The following RORA variants were observed in gnomAD, a reference collection of about 807,000 sequenced individuals.
RORA encodes the protein RAR related orphan receptor A.
In RORA, 7 loss-of-function variants were observed where a neutral mutation model predicts 69.5. The ratio of observed to expected loss-of-function variants is 0.10; its 90% confidence interval spans 0.06 to 0.19. RORA has a LOEUF of 0.19. Ranked by LOEUF, RORA falls within the 10% of genes least tolerant of loss-of-function variation. The pLI is 1.00. For missense variants in RORA, 457 were observed against 663.0 expected (o/e 0.69, Z 3.41); for synonymous variants, 261 against 240.8 (o/e 1.08, Z -0.78).
chr15:60,664,056 G>A (rs2070345856), intron 2 of RORA, among the ~76,000 whole-genome samples: 1 of 152,132 alleles, frequency 6.6e-6, no homozygotes, highest in Non-Finnish European at 1.5e-5. Context: ...AGAATCTCAG[G>A]TGAAGCAATT....
rs1342333191 is a variant in RORA, at chr15:61,009,467, G to A, written c.166+219586C>T. 4.6e-5 allele frequency among the ~76,000 whole-genome samples: 7 copies of A among 152,256 alleles called. No homozygotes were observed. The East Asian group carries it at 5.8e-4, about 13-fold the overall frequency. On this transcript the variant is annotated intron_variant, in intron 1 of 10. Transcript: ENST00000335670. ...GAAAGATGTCCACCTTGATTCATCC[G>A]TACGATACAGGAAAGAAAATCTGGC...
At chr15:60,819,761 A>ACACACACACACACACACACACGCGCG (rs2072866004) in intron 1 of RORA, among the ~76,000 whole-genome samples, 1 of 138,034 alleles carries the variant, frequency 7.2e-6, no homozygotes, top group African/African-American at 2.6e-5. Context: ...ACACACACAC[A>ACACACACACACACACACACACGCGCG]CACACACACA....
intron 1 of RORA, among the ~76,000 whole-genome samples, chr15:60,753,560 C>G (rs1003607229): frequency 3.3e-5 from 5 of 152,194 alleles, no homozygotes; most frequent in African/African-American, 9.7e-5. Context: ...ACCATGCATG[C>G]GTAGGTATCT....
intron 1 of RORA, among the ~76,000 whole-genome samples, chr15:60,745,417 CTTTT>C (rs1378216065): frequency 6.6e-6 from 1 of 152,238 alleles, no homozygotes; most frequent in Admixed American, 6.5e-5. Context: ...CAGATCTTTT[CTTTT>C]TGTTTTTAGT....
chr15:60,919,255 C>A (rs931257632), intron 1 of RORA, among the ~76,000 whole-genome samples: 1 of 152,120 alleles, frequency 6.6e-6, no homozygotes, highest in African/African-American at 2.4e-5. Context: ...CAACGGGGTG[C>A]CTGGCATATG....
chr15:60,640,142 G>T (rs1440349330), intron 2 of RORA, among the ~76,000 whole-genome samples: 1 of 152,078 alleles, frequency 6.6e-6, no homozygotes, highest in African/African-American at 2.4e-5. Context: ...TATTCCTCTC[G>T]CAGCATCACT....
intron 1 of RORA, among the ~76,000 whole-genome samples, chr15:61,116,945 T>C (rs1456040305): frequency 6.6e-6 from 1 of 152,170 alleles, no homozygotes; most frequent in Non-Finnish European, 1.5e-5. Context: ...AAGGGAGTGA[T>C]TTCTTTCCTC....
chr15:60,702,244 G>C (rs1596138855), intron 1 of RORA, among the ~76,000 whole-genome samples: 1 of 151,012 alleles, frequency 6.6e-6, no homozygotes, highest in Non-Finnish European at 1.5e-5. Flanking sequence ...TTCTTTTTTT[G>C]AGACAGAGTC....
intron 1 of RORA, among the ~76,000 whole-genome samples, chr15:60,960,757 G>T (rs995035456): frequency 6.6e-6 from 1 of 151,856 alleles, no homozygotes; most frequent in Non-Finnish European, 1.5e-5. Context: ...ATCGCCTCTG[G>T]ATTTTAACAC....
At chr15:61,076,761 A>C (rs1246018375) in intron 1 of RORA, among the ~76,000 whole-genome samples, 1 of 152,202 alleles carries the variant, frequency 6.6e-6, no homozygotes, top group Admixed American at 6.5e-5. Flanking sequence ...TGAGTCCTTG[A>C]ACTGCCATCA....
At chr15:60,660,753 GAA>G (rs56353538) in intron 2 of RORA, among the ~76,000 whole-genome samples, 6 of 150,802 alleles carry the variant, frequency 4.0e-5, no homozygotes, top group Non-Finnish European at 7.4e-5. Context: ...CACACTGAAA[GAA>G]AAAAAAAACT....
chr15:61,208,638 T>C (rs1015931300), intron 1 of RORA, among the ~76,000 whole-genome samples: 4 of 152,214 alleles, frequency 2.6e-5, no homozygotes, highest in African/African-American at 9.6e-5. Flanking sequence ...CACAGGATTA[T>C]AGAATATCAG....
intron 2 of RORA, among the ~76,000 whole-genome samples, chr15:60,550,244 C>T (rs372022884): frequency 2.0e-4 from 31 of 152,312 alleles, no homozygotes; most frequent in African/African-American, 6.7e-4. Context: ...GAACCAAGAT[C>T]GTGCCATTGC....
At chr15:60,888,515 C>T (rs931141029) in intron 1 of RORA, among the ~76,000 whole-genome samples, 54 of 152,232 alleles carry the variant, frequency 3.5e-4, no homozygotes, top group Non-Finnish European at 4.4e-4. Context: ...TGCACACACA[C>T]TCACACTGGC....
chr15:61,147,439 C>G lies in RORA; in HGVS notation c.166+81614G>C, dbSNP rs957415697. Among the ~76,000 whole-genome samples, 1 of 152,084 alleles carries G rather than the reference C, an allele frequency of 6.6e-6. No individual in the cohort carries two copies. The highest frequency in any genetic ancestry group is 1.5e-5 in the Non-Finnish European group (1 of 68,018). On this transcript the variant is annotated intron_variant, in intron 1 of 10. Transcript: ENST00000335670. This position sits in a 1 kb window ranked among gnomAD's most constrained non-coding sequence, Gnocchi z 4.1. ...AGAGAGGTGGGTAACCCAACAGGTG[C>G]AATAGGACTCTGAAGAAGGAATATG...
intron 8 of RORA, 70 bp downstream of exon 8, chr15:60,502,690 A>C (rs2065369563): frequency 1.1e-6 from 1 of 939,426 alleles, no homozygotes. Context: ...GTCCAAGCAG[A>C]GCTTTCACTC....
intron 3 of RORA, among the ~76,000 whole-genome samples, chr15:60,517,427 C>T (rs1430583644): frequency 6.7e-6 from 1 of 149,336 alleles, no homozygotes; most frequent in Non-Finnish European, 1.5e-5. Flanking sequence ...TTCTGTAAAG[C>T]AATCTCTCTC....
intron 2 of RORA, among the ~76,000 whole-genome samples, chr15:60,642,366 C>A (rs910051653): frequency 6.6e-6 from 1 of 152,148 alleles, no homozygotes; most frequent in Non-Finnish European, 1.5e-5. Flanking sequence ...AAATTTGGAA[C>A]CGGTGAGTAG....
At chr15:61,145,356 G>C (rs1483592486) in intron 1 of RORA, among the ~76,000 whole-genome samples, 2 of 152,190 alleles carry the variant, frequency 1.3e-5, no homozygotes, top group African/African-American at 4.8e-5. Context: ...CCAATTTACA[G>C]ATATGGACAC....
Sources: allele counts gnomAD v4.1 joint callset (sites outside exome capture counted in the v4.1 genomes callset), GRCh38; gene constraint gnomAD v4.1.1; non-coding constraint Gnocchi (gnomAD v3.1); transcripts MANE v1.5; gene names NCBI Gene and HGNC (gene_info 2026-07-23, HGNC 2026-07-21).